NDST3: variants seen among roughly 807,000 people sequenced by gnomAD.
NDST3 encodes the protein bifunctional heparan sulfate N-deacetylase/N-sulfotransferase 3.
In NDST3, 58 loss-of-function variants were observed where a neutral mutation model predicts 96.1. The observed-to-expected ratio is 0.60, with a 90% CI of 0.49 to 0.75. The LOEUF (loss-of-function observed/expected upper bound fraction) is 0.75. Among genes scored for constraint, NDST3 ranks in the 30% least tolerant of loss-of-function variants. The probability of loss-of-function intolerance (pLI) is 0.00; values close to 1 mark genes in which losing one functional copy is unlikely to be tolerated. For synonymous variants in NDST3, 333 were observed against 359.7 expected, an observed-to-expected ratio of 0.93 and a Z score of 0.84; for missense variants, 788 against 1,034.2, an observed-to-expected ratio of 0.76 and a Z score of 3.27.
In NDST3 at chr4:118,050,062, C is replaced by T. The variant is rs113511749; in HGVS notation, c.-155-3694C>T. On this transcript the variant is annotated intron_variant, in intron 1 of 13. Coordinates refer to ENST00000296499, the MANE Select transcript of NDST3 (RefSeq NM_004784.3). ...AATCAAGTCAGCTTTATTTCTAGGA[C>T]GCAAGGCTATTTCAACATATGCAAA... 5.2e-4 allele frequency among the ~76,000 whole-genome samples: 79 copies of T among 152,070 alleles called. 3 individuals are homozygous for T. Among genetic ancestry groups the T allele is most frequent in the Non-Finnish European group, 4.4e-4 (30 of 67,924 alleles).
intron 2 of NDST3, among the ~76,000 whole-genome samples, chr4:118,084,901 A>G (rs1472119173): frequency 6.6e-6 from 1 of 152,158 alleles, no homozygotes. Flanking sequence ...TGGGTGGATC[A>G]TGAGGTCACG....
intron 6 of NDST3, chr4:118,194,634 C>A: frequency 1.4e-6 from 1 of 697,050 alleles, no homozygotes. Context: ...GTACCTGTGC[C>A]CTCTCTCGAT....
chr4:118,189,332 T>C (rs1163120629), intron 6 of NDST3, among the ~76,000 whole-genome samples: 1 of 152,204 alleles, frequency 6.6e-6, no homozygotes, highest in Non-Finnish European at 1.5e-5. Flanking sequence ...ATTACAGGCA[T>C]GAGCCACAGC....
At chr4:118,093,696 C>T (rs945424633) in intron 2 of NDST3, among the ~76,000 whole-genome samples, 1 of 151,832 alleles carries the variant, frequency 6.6e-6, no homozygotes, top group Non-Finnish European at 1.5e-5. Context: ...AGATCACAGG[C>T]CTGTTAGACC....
At chr4:118,062,209 CCTT>C (rs775761453) in intron 2 of NDST3, among the ~76,000 whole-genome samples, 14 of 152,108 alleles carry the variant, frequency 9.2e-5, no homozygotes, top group Non-Finnish European at 1.5e-4. Context: ...TCATGGTAAA[CCTT>C]CTCAGATTTT....
intron 6 of NDST3, among the ~76,000 whole-genome samples, chr4:118,224,029 C>T (rs1187464439): frequency 6.6e-6 from 1 of 152,136 alleles, no homozygotes; most frequent in Non-Finnish European, 1.5e-5. Flanking sequence ...CTGTGATTGT[C>T]TTTCAATGCA....
intron 4 of NDST3, among the ~76,000 whole-genome samples, chr4:118,121,518 A>G (rs747549080): frequency 1.1e-4 from 17 of 152,208 alleles, no homozygotes; most frequent in Non-Finnish European, 2.1e-4. Flanking sequence ...GCAGGGGAAA[A>G]TTGGATGTAA....
intron 6 of NDST3, among the ~76,000 whole-genome samples, chr4:118,193,171 A>G (rs1401805116): frequency 6.6e-6 from 1 of 152,162 alleles, no homozygotes; most frequent in Non-Finnish European, 1.5e-5. Flanking sequence ...GTATGGATGG[A>G]CATATGTTCA....
chr4:118,091,140 G>T (rs1023310318), intron 2 of NDST3, among the ~76,000 whole-genome samples: 1 of 151,580 alleles, frequency 6.6e-6, no homozygotes, highest in African/African-American at 2.4e-5. Context: ...ATAGATACTT[G>T]AGGGTGAAGA....
intron 2 of NDST3, among the ~76,000 whole-genome samples, chr4:118,067,466 G>A (rs1726685217): frequency 3.9e-5 from 6 of 152,058 alleles, no homozygotes; most frequent in Admixed American, 2.6e-4. Flanking sequence ...GAAAACTAAA[G>A]ACACATTTTT....
At chr4:118,196,245 G>T (rs140791213) in intron 6 of NDST3, among the ~76,000 whole-genome samples, 1 of 152,206 alleles carries the variant, frequency 6.6e-6, no homozygotes, top group East Asian at 1.9e-4. Context: ...AATTTGGTTT[G>T]CTAATACCTT....
At chr4:118,066,185 TA>T (rs1560617742) in intron 2 of NDST3, among the ~76,000 whole-genome samples, 4 of 16,288 alleles carry the variant, frequency 2.5e-4, no homozygotes, top group African/African-American at 4.7e-4. Flanking sequence ...ATATATTATA[TA>T]TCTTATATAT....
intron 6 of NDST3, among the ~76,000 whole-genome samples, chr4:118,156,508 TAA>T (rs1734721441): frequency 6.6e-6 from 1 of 152,198 alleles, no homozygotes; most frequent in Non-Finnish European, 1.5e-5. Flanking sequence ...AGGTTCTAAA[TAA>T]AAGACAATGT....
At position 118,187,383 on chromosome 4, in the gene NDST3, C is replaced by T. The variant is rs562370070; in HGVS notation, c.1540-37108C>T. Among the ~76,000 whole-genome samples the T allele has an allele frequency of 4.6e-5, 7 of 152,222 alleles. No homozygotes were observed. The South Asian group carries it at 1.0e-3, about 23-fold the overall frequency. On this transcript the variant is annotated intron_variant, in intron 6 of 13. Transcript: ENST00000296499. ...CATCTACTCCCAACCACAGAAAGAG[C>T]GATCTAACAAATGATATCCATCCAA...
chr4:118,253,485 C>CT lies in NDST3; in HGVS notation c.2400-3dup, dbSNP rs5861382. 3.0e-4 allele frequency: 381 copies of CT among 1,267,766 alleles called. No individual in the cohort carries two copies. The highest frequency in any genetic ancestry group is 1.9e-3 in the African/African-American group (129 of 67,210). The allele number at this position is 1,267,766 out of a possible 1,614,324, so 78.5% of individuals were successfully genotyped here. On this transcript the variant is annotated splice_polypyrimidine_tract_variant and intron_variant, in intron 12 of 13. Transcript: ENST00000296499. ...ATTTTCTGGTTTTTCTGTGTGTATT[C>CT]TTTTTTTTTTTAGGTTTGATTCTCA... is the stretch of plus-strand genomic sequence containing the variant.
At chr4:118,254,664 T>A (rs13125461) in intron 13 of NDST3, among the ~76,000 whole-genome samples, 9,266 of 152,098 alleles carry the variant, frequency 0.061, 381 homozygotes, top group Non-Finnish European at 0.092. Flanking sequence ...GATTTGTAAA[T>A]TTTTTTTAGA....
At chr4:118,247,317 C>T (rs562918757) in intron 12 of NDST3, among the ~76,000 whole-genome samples, 2 of 151,994 alleles carry the variant, frequency 1.3e-5, no homozygotes, top group South Asian at 2.1e-4. Flanking sequence ...TTTGGGAGGC[C>T]GAGGCAGGCA....
intron 4 of NDST3, among the ~76,000 whole-genome samples, chr4:118,125,055 T>G (rs936779976): frequency 2.4e-4 from 37 of 152,192 alleles, no homozygotes; most frequent in African/African-American, 8.4e-4. Flanking sequence ...ATGATTGAAC[T>G]CAATTTCCAA....
chr4:118,255,417 C>T (rs1372280828), intron 13 of NDST3, among the ~76,000 whole-genome samples, 176 bp from the exon 14 acceptor site: 1 of 140,694 alleles, frequency 7.1e-6, no homozygotes, highest in Non-Finnish European at 1.6e-5. Flanking sequence ...AAGAAAAATG[C>T]CAGTACCCAA....
Sources: gnomAD v4.1 joint callset for allele counts (sites outside exome capture counted in the v4.1 genomes callset) on GRCh38, gnomAD v4.1.1 for gene constraint, MANE v1.5 for transcripts, NCBI Gene and HGNC (gene_info 2026-07-23, HGNC 2026-07-21) for gene names.